Variants in HECW1 observed in about 807,000 individuals in gnomAD.
HECW1 encodes HECT, C2 and WW domain containing E3 ubiquitin protein ligase 1.
Under a neutral mutation model 182.3 loss-of-function variants are expected in HECW1, and 61 were observed. The ratio of observed to expected loss-of-function variants is 0.33; its 90% CI spans 0.27 to 0.41. HECW1 has a LOEUF of 0.41. Ranked by LOEUF, HECW1 falls within the 10% of genes least tolerant of loss-of-function variation. The pLI is 1.00. For missense variants in HECW1, 1,739 were observed against 2,108.9 expected (o/e 0.82, Z 3.44); for synonymous variants, 859 against 832.6 (o/e 1.03, Z -0.55).
chr7:43,399,890 A>G lies in HECW1; in HGVS notation c.631+3001A>G, dbSNP rs571996619. On this transcript the variant is annotated intron_variant, in intron 7 of 29. Coordinates refer to ENST00000395891, the MANE Select transcript of HECW1 (RefSeq NM_015052.5). ...AGTTGGCTATGTATATGTATGTTGC[A>G]TTCACTATGTCTGCCTAGGACAAAA... Among the ~76,000 whole-genome samples the G allele has an allele frequency of 5.9e-5, 9 of 152,336 alleles. No homozygotes were observed. The East Asian group carries it at 1.7e-3, about 29-fold the overall frequency.
intron 2 of HECW1, among the ~76,000 whole-genome samples, chr7:43,230,112 G>C (rs1025240466): frequency 3.3e-5 from 5 of 152,236 alleles, no homozygotes; most frequent in African/African-American, 1.2e-4. Context: ...CCATCAGTGG[G>C]CTGGGCACAG....
chr7:43,395,528 T>C (rs1257842307), intron 6 of HECW1, among the ~76,000 whole-genome samples: 1 of 152,240 alleles, frequency 6.6e-6, no homozygotes, highest in Non-Finnish European at 1.5e-5. Context: ...AATGAGACTC[T>C]AAGGGACAGA....
chr7:43,199,974 A>G (rs1186919501), intron 2 of HECW1, among the ~76,000 whole-genome samples: 2 of 152,222 alleles, frequency 1.3e-5, no homozygotes, highest in African/African-American at 4.8e-5. Context: ...TAATCTGTGA[A>G]TAAGTACATA....
At chr7:43,134,801 T>C (rs1787346949) in intron 2 of HECW1, among the ~76,000 whole-genome samples, 1 of 152,222 alleles carries the variant, frequency 6.6e-6, no homozygotes, top group Non-Finnish European at 1.5e-5. Flanking sequence ...CCAAGACTCT[T>C]GACATATTAT....
chr7:43,244,967 A>T (rs1799239794), intron 3 of HECW1, among the ~76,000 whole-genome samples: 5 of 152,204 alleles, frequency 3.3e-5, no homozygotes, highest in Admixed American at 2.6e-4. Flanking sequence ...TCACATGCAG[A>T]GGCAGCTTCT....
intron 12 of HECW1, among the ~76,000 whole-genome samples, chr7:43,453,330 G>C (rs1273268417): frequency 1.3e-5 from 2 of 152,172 alleles, no homozygotes; most frequent in African/African-American, 4.8e-5. Context: ...AGGTAGATTT[G>C]ATGACAGATT....
intron 2 of HECW1, chr7:43,207,887 T>C (rs1795635279): frequency 6.6e-6 from 1 of 152,234 alleles, no homozygotes; most frequent in South Asian, 2.1e-4. Flanking sequence ...TTTGAGATAA[T>C]CTTTCTTCTC....
At chr7:43,269,952 G>A (rs930698284) in intron 3 of HECW1, among the ~76,000 whole-genome samples, 2 of 152,166 alleles carry the variant, frequency 1.3e-5, no homozygotes, top group African/African-American at 4.8e-5. Context: ...GTAAAACAAG[G>A]TTGAGAAGCC....
intron 21 of HECW1, 112 bp from the exon 22 acceptor site, chr7:43,507,025 A>G: frequency 7.7e-7 from 1 of 1,305,632 alleles, no homozygotes; most frequent in Non-Finnish European, 1.0e-6. Context: ...AGCCGAGAGC[A>G]CACCACTGCA....
At chr7:43,462,857 A>G (rs2077635513) in intron 13 of HECW1, among the ~76,000 whole-genome samples, 1 of 152,242 alleles carries the variant, frequency 6.6e-6, no homozygotes, top group Non-Finnish European at 1.5e-5. Context: ...CCAGCTTCAC[A>G]ATTTACAAAC....
At chr7:43,550,731 C>A in intron 27 of HECW1, 140 bp downstream of exon 27, 1 of 781,104 alleles carries the variant, frequency 1.3e-6, no homozygotes, top group Non-Finnish European at 2.1e-6. Flanking sequence ...GTGGGCTCAG[C>A]GAGTGCTCCT....
intron 2 of HECW1, chr7:43,118,387 G>A (rs890767203): frequency 1.3e-5 from 2 of 152,584 alleles, no homozygotes; most frequent in Non-Finnish European, 1.5e-5. Context: ...ATAAATCTCA[G>A]CCCTACACAT....
At chr7:43,268,332 C>T (rs995806867) in intron 3 of HECW1, among the ~76,000 whole-genome samples, 5 of 152,202 alleles carry the variant, frequency 3.3e-5, no homozygotes, top group African/African-American at 9.6e-5. Flanking sequence ...TGGAGAAGGG[C>T]TGTAGTTTAG....
intron 22 of HECW1, 96 bp downstream of exon 22, chr7:43,507,353 C>A (rs576465556): frequency 8.1e-7 from 1 of 1,238,680 alleles, no homozygotes; most frequent in Admixed American, 2.2e-5. Flanking sequence ...AGACTGGCTA[C>A]TCTGGTGTGG....
At chr7:43,273,158 G>A (rs1802628460) in intron 3 of HECW1, among the ~76,000 whole-genome samples, 2 of 152,078 alleles carry the variant, frequency 1.3e-5, no homozygotes, top group Non-Finnish European at 2.9e-5. Context: ...AGTAGAAACT[G>A]GGTTCTACTA....
In HECW1 at chr7:43,562,139, A is replaced by G; in HGVS notation, c.*213A>G. On this transcript the variant is annotated 3_prime_UTR_variant, in exon 30 of 30. Coordinates refer to ENST00000395891, the MANE Select transcript of HECW1 (RefSeq NM_015052.5). ...GGCTTCTCTCCTCTGTTTTCAATGA[A>G]CTGCTAGCCTGTATGCAATATTAAA... is the stretch of plus-strand genomic sequence containing the variant. 1 of 521,748 alleles carries G rather than the reference A, an allele frequency of 1.9e-6. No homozygotes were observed. Among genetic ancestry groups the G allele is most frequent in the South Asian group, 2.4e-5 (1 of 42,094 alleles). 32.3% of individuals were successfully genotyped at this position (521,748 alleles called of 1,614,324 possible). A position where few individuals can be genotyped will look rare whatever the true frequency, so the allele number is the denominator to read the frequency against.
intron 2 of HECW1, among the ~76,000 whole-genome samples, chr7:43,186,939 C>T (rs553794020): frequency 2.2e-4 from 33 of 152,330 alleles, no homozygotes; most frequent in Non-Finnish European, 4.7e-4. Context: ...CAGGACATAT[C>T]CCAGCACATA....
chr7:43,440,402 T>G (rs1224540383), intron 9 of HECW1: 1 of 152,376 alleles, frequency 6.6e-6, no homozygotes, highest in Non-Finnish European at 1.5e-5. Context: ...GCTGTCTGCC[T>G]GTAACTCTAA....
At chr7:43,308,036 ATATTG>A (rs1211332496) in intron 3 of HECW1, among the ~76,000 whole-genome samples, 12 of 115,624 alleles carry the variant, frequency 1.0e-4, no homozygotes, top group South Asian at 6.8e-4. Flanking sequence ...ATTATATATT[ATATTG>A]TATTATATAT....
Sources: gnomAD v4.1 joint callset for allele counts (sites outside exome capture counted in the v4.1 genomes callset) on GRCh38, gnomAD v4.1.1 for gene constraint, MANE v1.5 for transcripts, NCBI Gene and HGNC (gene_info 2026-07-23, HGNC 2026-07-21) for gene names.